The following ATRNL1 variants were observed in gnomAD, a reference collection of about 807,000 sequenced individuals.
The protein encoded by ATRNL1 is attractin like 1.
Under a neutral mutation model 182.7 loss-of-function variants are expected in ATRNL1, and 95 were observed. The ratio of observed to expected loss-of-function variants is 0.52; its 90% CI spans 0.44 to 0.62. The LOEUF (loss-of-function observed/expected upper bound fraction) is 0.62. Among genes scored for constraint, ATRNL1 ranks in the 20% least tolerant of loss-of-function variants. The pLI, the probability that ATRNL1 is intolerant of heterozygous loss-of-function variation, is 0.00. For missense variants in ATRNL1, 1,471 were observed against 1,679.5 expected (o/e 0.88, Z 2.17); for synonymous variants, 576 against 568.3 (o/e 1.01, Z -0.19).
At chr10:115,521,270 C>T (rs1554985117) in intron 25 of ATRNL1, among the ~76,000 whole-genome samples, 2 of 152,048 alleles carry the variant, frequency 1.3e-5, no homozygotes, top group Non-Finnish European at 2.9e-5. Flanking sequence ...TCTCCTGCCT[C>T]AGCTCCTGAG....
At chr10:115,368,138 A>G (rs556606129) in intron 19 of ATRNL1, among the ~76,000 whole-genome samples, 3 of 152,068 alleles carry the variant, frequency 2.0e-5, no homozygotes, top group Non-Finnish European at 4.4e-5. Context: ...CTGCTGCCTT[A>G]CAGTTTGATC....
intron 1 of ATRNL1, among the ~76,000 whole-genome samples, chr10:115,104,079 A>T (rs1205764185): frequency 1.3e-5 from 2 of 152,200 alleles, no homozygotes; most frequent in African/African-American, 4.8e-5. Context: ...TTGCTGAATC[A>T]TATGGTAGCT....
intron 22 of ATRNL1, among the ~76,000 whole-genome samples, chr10:115,466,759 C>A (rs925274011): frequency 2.6e-5 from 4 of 151,008 alleles, no homozygotes; most frequent in South Asian, 2.1e-4. Flanking sequence ...AAGAAGAAGT[C>A]TTTTAAAAAA....
chr10:115,513,273 C>T (rs1341307021), intron 24 of ATRNL1, among the ~76,000 whole-genome samples: 1 of 151,876 alleles, frequency 6.6e-6, no homozygotes, highest in Non-Finnish European at 1.5e-5. Flanking sequence ...TCTTTCTGCT[C>T]TCTGTATCAA....
At chr10:115,767,125 A>G (rs532545489) in intron 27 of ATRNL1, among the ~76,000 whole-genome samples, 97 of 152,248 alleles carry the variant, frequency 6.4e-4, no homozygotes, top group African/African-American at 2.1e-3. Context: ...TTCTCTTCTC[A>G]GTGCTTCTGC....
chr10:115,375,348 A>G (rs1442515292), intron 19 of ATRNL1, among the ~76,000 whole-genome samples: 1 of 151,700 alleles, frequency 6.6e-6, no homozygotes, highest in African/African-American at 2.4e-5. Flanking sequence ...TTCACTTTCT[A>G]TGTATGCCTT....
At chr10:115,587,335 A>G (rs1466843504) in intron 26 of ATRNL1, among the ~76,000 whole-genome samples, 2 of 152,022 alleles carry the variant, frequency 1.3e-5, no homozygotes, top group Non-Finnish European at 2.9e-5. Flanking sequence ...AGCCTTGGCA[A>G]TGGCGGGCGC....
intron 9 of ATRNL1, among the ~76,000 whole-genome samples, chr10:115,239,910 T>TG (rs1182163598): frequency 1.3e-5 from 2 of 152,138 alleles, no homozygotes; most frequent in African/African-American, 2.4e-5. Context: ...GCTGGTATCC[T>TG]GCCACTCCTA....
At chr10:115,371,870 G>C (rs595299) in intron 19 of ATRNL1, among the ~76,000 whole-genome samples, 44,516 of 151,942 alleles carry the variant, frequency 0.29, 6,681 homozygotes, top group Non-Finnish European at 0.33. Flanking sequence ...TTGAATTGTA[G>C]CCCCCGTAAT....
chr10:115,106,931 C>T (rs1442577315), intron 1 of ATRNL1, among the ~76,000 whole-genome samples: 1 of 152,146 alleles, frequency 6.6e-6, no homozygotes, highest in Non-Finnish European at 1.5e-5. Flanking sequence ...AAGAGGCTGA[C>T]ATCTTGTAAG....
intron 26 of ATRNL1, among the ~76,000 whole-genome samples, chr10:115,552,709 A>G (rs1322978454): frequency 6.6e-6 from 1 of 151,244 alleles, no homozygotes; most frequent in African/African-American, 2.4e-5. Flanking sequence ...ACCCCTGAGA[A>G]TTCAGGGGCT....
chr10:115,203,863 C>T (rs1422937034), intron 8 of ATRNL1, among the ~76,000 whole-genome samples: 2 of 149,744 alleles, frequency 1.3e-5, no homozygotes, highest in East Asian at 2.0e-4. Context: ...TCCCAAAATG[C>T]TGGGATTACA....
intron 26 of ATRNL1, among the ~76,000 whole-genome samples, chr10:115,568,254 A>G (rs1294143750): frequency 6.6e-6 from 1 of 152,102 alleles, no homozygotes; most frequent in African/African-American, 2.4e-5. Context: ...TCCTTACTCA[A>G]TATTGAAATT....
chr10:115,308,773 T>C (rs2133996142), intron 17 of ATRNL1, among the ~76,000 whole-genome samples: 1 of 152,230 alleles, frequency 6.6e-6, no homozygotes, highest in South Asian at 2.1e-4. Flanking sequence ...ATTAGGTTCC[T>C]TTTATGTATT....
chr10:115,462,112 CTT>C, intron 22 of ATRNL1, 77 bp downstream of exon 22: 1 of 1,026,288 alleles, frequency 9.7e-7, no homozygotes, highest in Non-Finnish European at 1.4e-6. Context: ...GATTTTACCT[CTT>C]CTCAGAATTA....
intron 6 of ATRNL1, among the ~76,000 whole-genome samples, chr10:115,162,001 A>G (rs1257767944): frequency 6.6e-6 from 1 of 152,144 alleles, no homozygotes; most frequent in Non-Finnish European, 1.5e-5. Flanking sequence ...TACAGAATAT[A>G]TATACATTAA....
chr10:115,115,938 C>T (rs1554869823), intron 1 of ATRNL1, among the ~76,000 whole-genome samples: 1 of 152,004 alleles, frequency 6.6e-6, no homozygotes, highest in East Asian at 1.9e-4. Context: ...TTATAAACAG[C>T]CCAGCATGCT....
intron 26 of ATRNL1, among the ~76,000 whole-genome samples, chr10:115,682,103 G>A (rs1197317406): frequency 6.6e-6 from 1 of 152,094 alleles, no homozygotes; most frequent in Non-Finnish European, 1.5e-5. Flanking sequence ...AACTCTGTTG[G>A]ATTTTCCTTT....
At chr10:115,939,721 ATCT>A (rs1200383839) in intron 28 of ATRNL1, among the ~76,000 whole-genome samples, 1 of 152,176 alleles carries the variant, frequency 6.6e-6, no homozygotes, top group Non-Finnish European at 1.5e-5. Flanking sequence ...TTGAAAAATG[ATCT>A]TCTGGAGTGA....
Sources: allele counts gnomAD v4.1 joint callset (sites outside exome capture counted in the v4.1 genomes callset), GRCh38; gene constraint gnomAD v4.1.1; transcripts MANE v1.5; gene names NCBI Gene and HGNC (gene_info 2026-07-23, HGNC 2026-07-21).